The following CSMD3 variants were observed in gnomAD, a reference collection of about 807,000 sequenced individuals.
CSMD3 encodes CUB and Sushi multiple domains 3, also known as CUB and sushi domain-containing protein 3.
In CSMD3, 177 loss-of-function variants were observed where a neutral mutation model predicts 435.2. That is an observed-to-expected ratio of 0.41 (90% CI 0.36 to 0.46). The LOEUF (loss-of-function observed/expected upper bound fraction) is 0.46. Among genes scored for constraint, CSMD3 ranks in the 20% least tolerant of loss-of-function variants. The pLI, the probability that CSMD3 is intolerant of heterozygous loss-of-function variation, is 0.34. For synonymous variants in CSMD3, 1,656 were observed against 1,520.5 expected, an observed-to-expected ratio of 1.09 and a Z score of -2.07; for missense variants, 4,265 against 4,504.6, an observed-to-expected ratio of 0.95 and a Z score of 1.52.
At chr8:112,687,274 C>A (rs1014155313) in intron 14 of CSMD3, among the ~76,000 whole-genome samples, 4 of 151,898 alleles carry the variant, frequency 2.6e-5, no homozygotes, top group Non-Finnish European at 2.9e-5. Flanking sequence ...TCTTAACTCG[C>A]ATTTCTTTGA....
intron 3 of CSMD3, among the ~76,000 whole-genome samples, chr8:113,207,681 C>T (rs1281553296): frequency 1.3e-4 from 19 of 151,840 alleles, no homozygotes; most frequent in Non-Finnish European, 2.1e-4. Context: ...CCCTGCCTAG[C>T]GAATATTAAA....
At chr8:113,417,604 A>G (rs1432089747) in intron 1 of CSMD3, among the ~76,000 whole-genome samples, 1 of 152,028 alleles carries the variant, frequency 6.6e-6, no homozygotes, top group East Asian at 1.9e-4. Flanking sequence ...TACCTTGAGG[A>G]GGTGAAAATG....
chr8:112,670,221 A>G (rs966139010), intron 16 of CSMD3, among the ~76,000 whole-genome samples: 1 of 152,186 alleles, frequency 6.6e-6, no homozygotes, highest in Non-Finnish European at 1.5e-5. Context: ...AGGATATTGT[A>G]AATGAAAGCA....
At chr8:113,366,436 C>G (rs1262316923) in intron 1 of CSMD3, among the ~76,000 whole-genome samples, 2 of 151,876 alleles carry the variant, frequency 1.3e-5, no homozygotes, top group Non-Finnish European at 2.9e-5. Context: ...AAAACCAAAC[C>G]AAATACCTTA....
intron 53 of CSMD3, among the ~76,000 whole-genome samples, chr8:112,299,541 A>T (rs967233288): frequency 5.3e-5 from 8 of 152,152 alleles, no homozygotes; most frequent in Non-Finnish European, 1.0e-4. Context: ...TATGAAAAAA[A>T]TGCTAATTGT....
intron 58 of CSMD3, among the ~76,000 whole-genome samples, chr8:112,286,158 A>G (rs969792771): frequency 1.3e-5 from 2 of 152,130 alleles, no homozygotes; most frequent in African/African-American, 4.8e-5. Flanking sequence ...GTATGTTTCT[A>G]TATTTTTCCA....
rs563520169 is a variant in CSMD3 at position 112,873,346 on chromosome 8, GGA to G, written c.1634-14082_1634-14081del. On this transcript the variant is annotated intron_variant, in intron 10 of 70. Coordinates refer to ENST00000297405, the MANE Select transcript of CSMD3 (RefSeq NM_198123.2). ...TAACTGATCTACACCTGAAAAGGCA[GGA>G]AACCCTGGTTAATAATTTGTAATTT... Among the ~76,000 whole-genome samples, 247 of 152,098 alleles carry G rather than the reference GGA, an allele frequency of 1.6e-3. 1 individual carries two copies. Among genetic ancestry groups the G allele is most frequent in the African/African-American group, 5.8e-3 (242 of 41,540 alleles).
At chr8:113,415,615 C>T (rs972680081) in intron 1 of CSMD3, among the ~76,000 whole-genome samples, 1 of 151,990 alleles carries the variant, frequency 6.6e-6, no homozygotes, top group African/African-American at 2.4e-5. Flanking sequence ...GCATAATTTT[C>T]CTAGCAAAAT....
At chr8:113,260,697 T>C (rs552991822) in intron 3 of CSMD3, among the ~76,000 whole-genome samples, 1 of 152,256 alleles carries the variant, frequency 6.6e-6, no homozygotes, top group Non-Finnish European at 1.5e-5. Context: ...CATGGTAGTT[T>C]GCTGCCCCTA....
At chr8:113,434,909 T>C (rs977096527) in intron 1 of CSMD3, among the ~76,000 whole-genome samples, 3 of 152,086 alleles carry the variant, frequency 2.0e-5, no homozygotes, top group African/African-American at 7.2e-5. Context: ...GTGTTTTGGC[T>C]CAACAGGTAT....
chr8:112,528,571 C>T (rs1825215529), intron 27 of CSMD3, among the ~76,000 whole-genome samples: 1 of 152,112 alleles, frequency 6.6e-6, no homozygotes, highest in Non-Finnish European at 1.5e-5. Flanking sequence ...TGACAAGTGA[C>T]ATCAGCACAA....
At chr8:112,908,117 T>A (rs2082311627) in intron 10 of CSMD3, among the ~76,000 whole-genome samples, 1 of 151,512 alleles carries the variant, frequency 6.6e-6, no homozygotes, top group African/African-American at 2.4e-5. Flanking sequence ...ATACCTTTTC[T>A]ACCAAATTTA....
At chr8:112,756,769 ATTT>A (rs67224021) in intron 13 of CSMD3, among the ~76,000 whole-genome samples, 4 of 139,886 alleles carry the variant, frequency 2.9e-5, no homozygotes, top group African/African-American at 5.4e-5. Context: ...TTATGTATTA[ATTT>A]TTTTTTTTTT....
intron 13 of CSMD3, among the ~76,000 whole-genome samples, chr8:112,759,499 T>A (rs1296173353): frequency 6.6e-6 from 1 of 152,112 alleles, no homozygotes; most frequent in African/African-American, 2.4e-5. Context: ...ACATTTATAT[T>A]ACATTGAAAT....
chr8:113,400,544 A>G (rs2094505172), intron 1 of CSMD3, among the ~76,000 whole-genome samples: 1 of 151,976 alleles, frequency 6.6e-6, no homozygotes, highest in South Asian at 2.1e-4. Flanking sequence ...GACGTTCTTC[A>G]ATGTTTTCAC....
chr8:113,215,959 C>A lies in CSMD3; in HGVS notation c.515-42043G>T, dbSNP rs1371644720. On this transcript the variant is annotated intron_variant, in intron 3 of 70. Coordinates refer to ENST00000297405, the MANE Select transcript of CSMD3 (RefSeq NM_198123.2). Reference sequence around the variant, plus strand: ...AAAGATATATTAAACTTCCAAATATCTTTTGGCAAAAAGGCAGGGAGAACA... The same window carrying A: ...AAAGATATATTAAACTTCCAAATATATTTTGGCAAAAAGGCAGGGAGAACA... Among the ~76,000 whole-genome samples, 6 of 151,796 alleles carry A rather than the reference C, an allele frequency of 4.0e-5. No individual in the cohort carries two copies. In the South Asian group the frequency reaches 8.3e-4, roughly 21 times the overall value.
At chr8:112,919,170 A>G (rs1419663687) in intron 10 of CSMD3, among the ~76,000 whole-genome samples, 1 of 151,924 alleles carries the variant, frequency 6.6e-6, no homozygotes, top group East Asian at 1.9e-4. Flanking sequence ...TCAACATATG[A>G]ATCTTGAACA....
chr8:113,251,520 G>A (rs886298121), intron 3 of CSMD3, among the ~76,000 whole-genome samples: 1 of 143,582 alleles, frequency 7.0e-6, no homozygotes, highest in African/African-American at 2.7e-5. Context: ...CATAAAAAAT[G>A]TCTTACTTGT....
intron 1 of CSMD3, among the ~76,000 whole-genome samples, chr8:113,315,429 G>GT (rs1267123984): frequency 6.6e-6 from 1 of 151,866 alleles, no homozygotes; most frequent in Non-Finnish European, 1.5e-5. Flanking sequence ...ACAAAAATAC[G>GT]TTAAATAAAT....
Sources: gnomAD v4.1 joint callset for allele counts (sites outside exome capture counted in the v4.1 genomes callset) on GRCh38, gnomAD v4.1.1 for gene constraint, MANE v1.5 for transcripts, NCBI Gene and HGNC (gene_info 2026-07-23, HGNC 2026-07-21) for gene names.